NCKAP5: variants seen among roughly 807,000 people sequenced by gnomAD.
The protein encoded by NCKAP5 is nck-associated protein 5.
Under a neutral mutation model 167.0 loss-of-function variants are expected in NCKAP5, and 92 were observed. The ratio of observed to expected loss-of-function variants is 0.55; its 90% CI spans 0.47 to 0.66. NCKAP5 has a LOEUF of 0.66. Ranked by LOEUF, NCKAP5 falls within the 30% of genes least tolerant of loss-of-function variation. NCKAP5 has a pLI of 0.00. For synonymous variants in NCKAP5, 891 were observed against 877.4 expected (o/e 1.02, Z -0.27); for missense variants, 2,378 against 2,315.0 (o/e 1.03, Z -0.56).
At chr2:133,560,177 T>G (rs1688057062) in intron 1 of NCKAP5, among the ~76,000 whole-genome samples, 1 of 152,162 alleles carries the variant, frequency 6.6e-6, no homozygotes, top group Non-Finnish European at 1.5e-5. Flanking sequence ...TGCCATCAGA[T>G]GAGGTATAAA....
chr2:133,338,838 T>C (rs746665686), intron 3 of NCKAP5, among the ~76,000 whole-genome samples: 1 of 151,800 alleles, frequency 6.6e-6, no homozygotes, highest in Non-Finnish European at 1.5e-5. Context: ...TGAAACCCTA[T>C]CTCTCCAAAA....
chr2:133,577,795 C>A, the NCKAP5 span, among the ~76,000 whole-genome samples: 1 of 152,126 alleles, frequency 6.6e-6, no homozygotes, highest in Admixed American at 6.5e-5. Context: ...TGAAGTACTG[C>A]AGGAACCATC....
Position 132,773,953 on chromosome 2 carries a change from C to G in NCKAP5, c.5050-59G>C, listed in dbSNP as rs762182683. The G allele has an allele frequency of 2.8e-6, 4 of 1,422,754 alleles. No individual in the cohort carries two copies. The South Asian group carries it at 4.8e-5, about 17-fold the overall frequency. The allele number at this position is 1,422,754 out of a possible 1,614,324, so 88.1% of individuals were successfully genotyped here. A position where few individuals can be genotyped will look rare whatever the true frequency, so the allele number is the denominator to read the frequency against. On this transcript the variant is annotated intron_variant, in intron 15 of 19. Coordinates refer to ENST00000409261, the MANE Select transcript of NCKAP5 (RefSeq NM_207363.3). ...TTGTTTTATTAAAAAGATCCTTTTG[C>G]AATCCTCAGAGTAATGGTACATTCT...
At chr2:133,417,561 A>G (rs16824573) in intron 3 of NCKAP5, among the ~76,000 whole-genome samples, 43,829 of 152,092 alleles carry the variant, frequency 0.29, 6,857 homozygotes, top group African/African-American at 0.4. Flanking sequence ...ATGCTAATCC[A>G]AGGGGTTGGG....
rs771209317 is a variant in NCKAP5 at position 132,783,854 on chromosome 2, G to A, written c.2957C>T (p.Pro986Leu). The change falls in exon 14 of 20, where the codon CCG (proline) becomes CTG (leucine). Residue 986 changes from proline to leucine, a missense_variant. This residue lies in a region of NCKAP5 where 1,325 missense variants were observed against 1,274.5 expected (regional missense o/e 1.04). Transcript: ENST00000409261. ...GISAPVISSNPATTEVQRKKP... is the reference protein window; with the variant it reads ...GISAPVISSNLATTEVQRKKP... ...CTTCCTCTGCACTTCTGTCGTGGCC[G>A]GATTAGAAGAAATAACTGGAGCAGA... The A allele has an allele frequency of 3.9e-5, 60 of 1,528,916 alleles. No homozygotes were observed. Among genetic ancestry groups the A allele is most frequent in the East Asian group, 4.5e-5 (2 of 44,110 alleles). 94.7% of individuals were successfully genotyped at this position (1,528,916 alleles called of 1,614,324 possible). A position where few individuals can be genotyped will look rare whatever the true frequency, so the allele number is the denominator to read the frequency against.
the NCKAP5 span, among the ~76,000 whole-genome samples, chr2:133,636,100 A>G: frequency 1.0e-3 from 154 of 152,366 alleles, 3 homozygotes; most frequent in East Asian, 0.028. Context: ...TTACAGCCAC[A>G]TGATGGAGAG....
At chr2:132,705,483 T>G (rs767504806) in intron 19 of NCKAP5, among the ~76,000 whole-genome samples, 1 of 152,214 alleles carries the variant, frequency 6.6e-6, no homozygotes, top group Non-Finnish European at 1.5e-5. Flanking sequence ...AGTTCTTATG[T>G]GACTTGACCT....
intron 3 of NCKAP5, among the ~76,000 whole-genome samples, chr2:133,414,256 G>GAAATACCTAGACACA (rs1207012906): frequency 6.6e-6 from 1 of 152,142 alleles, no homozygotes; most frequent in Non-Finnish European, 1.5e-5. Flanking sequence ...TAGACACAAG[G>GAAATACCTAGACACA]TTTAACTGGA....
At chr2:133,647,646 G>GGA in the NCKAP5 span, among the ~76,000 whole-genome samples, 1 of 130,782 alleles carries the variant, frequency 7.6e-6, no homozygotes, top group Non-Finnish European at 1.6e-5. Flanking sequence ...AGGAAGAAAG[G>GGA]GAGAGAGAGA....
At chr2:132,780,751 T>C (rs190165742) in intron 15 of NCKAP5, among the ~76,000 whole-genome samples, 1 of 152,188 alleles carries the variant, frequency 6.6e-6, no homozygotes, top group African/African-American at 2.4e-5. Context: ...GTGGTGTAAT[T>C]TGAAGATGAT....
chr2:133,039,989 T>C (rs145649279), intron 6 of NCKAP5, among the ~76,000 whole-genome samples: 2 of 152,348 alleles, frequency 1.3e-5, no homozygotes, highest in East Asian at 3.9e-4. Flanking sequence ...ATTTGGAAGA[T>C]CAATGTTTTG....
chr2:132,988,858 C>T (rs2149292176), intron 7 of NCKAP5, among the ~76,000 whole-genome samples: 1 of 152,284 alleles, frequency 6.6e-6, no homozygotes. Context: ...TAGCTATTTA[C>T]ATTAATTGGT....
chr2:133,385,057 G>T (rs549499612), intron 3 of NCKAP5, among the ~76,000 whole-genome samples: 1 of 152,192 alleles, frequency 6.6e-6, no homozygotes, highest in African/African-American at 2.4e-5. Context: ...CTGCCTGATT[G>T]CCCTGGCCAG....
chr2:133,600,945 A>G, the NCKAP5 span, among the ~76,000 whole-genome samples: 13 of 152,260 alleles, frequency 8.5e-5, no homozygotes, highest in Admixed American at 2.6e-4. Flanking sequence ...TGAAACACAC[A>G]TTCTGAGACA....
chr2:133,163,640 A>G (rs2083887445), intron 5 of NCKAP5, among the ~76,000 whole-genome samples: 1 of 152,212 alleles, frequency 6.6e-6, no homozygotes, highest in Non-Finnish European at 1.5e-5. Flanking sequence ...AGATGCTGAG[A>G]TGGTATCTAC....
At chr2:132,674,551 G>A (rs1684176905) in intron 19 of NCKAP5, among the ~76,000 whole-genome samples, 1 of 152,144 alleles carries the variant, frequency 6.6e-6, no homozygotes, top group African/African-American at 2.4e-5. Flanking sequence ...GTGCAGTTCT[G>A]CTGTGCACCA....
chr2:133,547,860 G>A lies in NCKAP5; in HGVS notation c.-62+11190C>T, dbSNP rs531962489. 9.5e-5 allele frequency among the ~76,000 whole-genome samples: 14 copies of A among 147,422 alleles called. No homozygotes were observed. In the East Asian group the frequency reaches 1.0e-3, roughly 11 times the overall value. On this transcript the variant is annotated intron_variant, in intron 2 of 19. Coordinates refer to ENST00000409261, the MANE Select transcript of NCKAP5 (RefSeq NM_207363.3). ...AGGAACGCAGTTCCTCACCAGCAAC[G>A]GAACAAAGCTGGATGGAGAATGACT...
At chr2:132,941,663 G>A (rs988362941) in intron 8 of NCKAP5, among the ~76,000 whole-genome samples, 1 of 152,156 alleles carries the variant, frequency 6.6e-6, no homozygotes, top group Non-Finnish European at 1.5e-5. Context: ...AGCAATTCCT[G>A]AGACTTGATA....
chr2:133,330,397 G>GTT (rs796073785), intron 3 of NCKAP5, among the ~76,000 whole-genome samples: 1 of 127,152 alleles, frequency 7.9e-6, no homozygotes, highest in Non-Finnish European at 1.7e-5. Flanking sequence ...CATTGTTTTT[G>GTT]TTTTTTTTTT....
Sources: allele counts gnomAD v4.1 joint callset (sites outside exome capture counted in the v4.1 genomes callset), GRCh38; gene constraint gnomAD v4.1.1; regional missense constraint gnomAD v4.1.1; transcripts MANE v1.5; gene names NCBI Gene and HGNC (gene_info 2026-07-23, HGNC 2026-07-21).